SH3BGRL2: variants seen among roughly 807,000 people sequenced by gnomAD.
The protein encoded by SH3BGRL2 is SH3 domain-binding glutamic acid-rich-like protein 2.
SH3BGRL2 carries 21 observed loss-of-function variants against 14.8 expected under a neutral mutation model. That is an observed-to-expected ratio of 1.42 (90% CI 1.01 to 2.05). The LOEUF is 2.05. Among genes scored for constraint, SH3BGRL2 ranks in the 30% most tolerant of loss-of-function variants. The pLI is 0.00. For missense variants in SH3BGRL2, 147 were observed against 130.8 expected (o/e 1.12, Z -0.61); for synonymous variants, 50 against 47.8 (o/e 1.05, Z -0.19).
At chr6:79,669,645 A>G (rs577161973) in intron 1 of SH3BGRL2, among the ~76,000 whole-genome samples, 82 of 151,954 alleles carry the variant, frequency 5.4e-4, no homozygotes, top group Non-Finnish European at 9.3e-4. Flanking sequence ...GGGTTTCACC[A>G]TGTTGATCAG....
At chr6:79,656,501 C>T (rs1216883723) in intron 1 of SH3BGRL2, among the ~76,000 whole-genome samples, 2 of 152,092 alleles carry the variant, frequency 1.3e-5, no homozygotes, top group Non-Finnish European at 2.9e-5. Context: ...CCTGGGACGA[C>T]GTATCACAAT....
the SH3BGRL2 span, among the ~76,000 whole-genome samples, chr6:79,618,241 T>C: frequency 6.6e-6 from 1 of 152,212 alleles, no homozygotes; most frequent in Non-Finnish European, 1.5e-5. Flanking sequence ...GCAAATTAGT[T>C]CTTTTGTCTC....
chr6:79,631,535 T>C, intron 1 of SH3BGRL2, 29 bp downstream of exon 1: 2 of 1,408,692 alleles, frequency 1.4e-6, no homozygotes, highest in Non-Finnish European at 1.9e-6. Flanking sequence ...GGCAGTAGGT[T>C]GGGGTCGCGG....
chr6:79,603,060 C>G, the SH3BGRL2 span, among the ~76,000 whole-genome samples: 2 of 152,100 alleles, frequency 1.3e-5, no homozygotes, highest in Non-Finnish European at 2.9e-5. Context: ...AGAAAACAAG[C>G]CTAAGTGCTG....
the SH3BGRL2 span, among the ~76,000 whole-genome samples, chr6:79,625,198 A>C: frequency 1.4e-5 from 2 of 144,178 alleles, no homozygotes; most frequent in Non-Finnish European, 3.0e-5. Context: ...ATATATACAC[A>C]CACACATACA....
the SH3BGRL2 span, among the ~76,000 whole-genome samples, chr6:79,550,850 C>A: frequency 0.013 from 2,047 of 152,220 alleles, 51 homozygotes; most frequent in African/African-American, 0.046. Flanking sequence ...CCCAGCAAAC[C>A]TGTCTCATTT....
At chr6:79,616,539 C>G in the SH3BGRL2 span, among the ~76,000 whole-genome samples, 7 of 151,960 alleles carry the variant, frequency 4.6e-5, no homozygotes, top group Non-Finnish European at 8.8e-5. Flanking sequence ...GCTTATGATC[C>G]TTGTTCACTG....
At chr6:79,627,358 A>T (rs1371100786), upstream of SH3BGRL2, among the ~76,000 whole-genome samples, 1 of 152,212 alleles carries the variant, frequency 6.6e-6, no homozygotes, top group Non-Finnish European at 1.5e-5. Flanking sequence ...AAATATTCCA[A>T]ATATCTGTGA....
the SH3BGRL2 span, among the ~76,000 whole-genome samples, chr6:79,602,636 T>A: frequency 1.3e-5 from 2 of 152,116 alleles, no homozygotes; most frequent in African/African-American, 4.8e-5. Flanking sequence ...CCTAAAGAGG[T>A]AGCAGAATCT....
At chr6:79,627,082 C>T (rs1386018290), upstream of SH3BGRL2, among the ~76,000 whole-genome samples, 1 of 152,150 alleles carries the variant, frequency 6.6e-6, no homozygotes, top group Non-Finnish European at 1.5e-5. Context: ...CTCTATTTCC[C>T]CGGGCCACAG....
the SH3BGRL2 span, among the ~76,000 whole-genome samples, chr6:79,593,399 C>G: frequency 6.6e-6 from 1 of 152,142 alleles, no homozygotes; most frequent in Admixed American, 6.5e-5. Flanking sequence ...CAGCTTTTCT[C>G]TATAGGATTC....
chr6:79,577,441 A>G, the SH3BGRL2 span, among the ~76,000 whole-genome samples: 2 of 152,348 alleles, frequency 1.3e-5, no homozygotes, highest in East Asian at 1.9e-4. Flanking sequence ...CATATATACT[A>G]AACCCTTTAC....
In SH3BGRL2 at chr6:79,703,034, G is replaced by A. The variant is rs879539877; in HGVS notation, c.*3525G>A. ...GGTGGAGGAAGTGATCAGAGGGAAC[G>A]AGCTGTAGGTTTGCAGAAATGTGTG... On this transcript the variant is annotated 3_prime_UTR_variant, in exon 4 of 4. Coordinates refer to ENST00000369838, the MANE Select transcript of SH3BGRL2 (RefSeq NM_031469.4). The A allele has an allele frequency of 1.3e-5, 2 of 152,212 alleles. No individual in the cohort carries two copies. The highest frequency in any genetic ancestry group is 2.4e-5 in the African/African-American group (1 of 41,442). 9.4% of individuals were successfully genotyped at this position (152,212 alleles called of 1,614,324 possible).
the SH3BGRL2 span, among the ~76,000 whole-genome samples, chr6:79,554,667 A>G: frequency 6.6e-6 from 1 of 152,220 alleles, no homozygotes; most frequent in Admixed American, 6.5e-5. Context: ...TGCATTTTTG[A>G]TCAGACTTTA....
At position 79,685,365 on chromosome 6, in the gene SH3BGRL2, AATATCACTTTGGACACC is replaced by A. The variant is rs1294981151; in HGVS notation, c.232-11118_232-11102del. Among the ~76,000 whole-genome samples, 3 of 152,282 alleles carry A rather than the reference AATATCACTTTGGACACC, an allele frequency of 2.0e-5. No homozygotes were observed. In the East Asian group the frequency reaches 5.8e-4, roughly 29 times the overall value. On this transcript the variant is annotated intron_variant, in intron 2 of 3. Coordinates refer to ENST00000369838, the MANE Select transcript of SH3BGRL2 (RefSeq NM_031469.4). ...ACTGTTAAGACAATCAGGCCATGTT[AATATCACTTTGGACACC>A]AAAAGTTGGTTTTCCTCTGCTCTTC...
intron 2 of SH3BGRL2, among the ~76,000 whole-genome samples, chr6:79,675,241 T>C (rs1769856960): frequency 6.6e-6 from 1 of 152,206 alleles, no homozygotes; most frequent in Admixed American, 6.5e-5. Flanking sequence ...TATGGTTTAG[T>C]GGTAGTTTCT....
intron 1 of SH3BGRL2, among the ~76,000 whole-genome samples, chr6:79,632,603 A>T (rs539601556): frequency 1.3e-5 from 2 of 152,238 alleles, no homozygotes; most frequent in African/African-American, 2.4e-5. Context: ...CTTGTACACC[A>T]CTGAAGTTTT....
chr6:79,579,776 C>T, the SH3BGRL2 span, among the ~76,000 whole-genome samples: 12 of 152,098 alleles, frequency 7.9e-5, no homozygotes, highest in African/African-American at 4.8e-5. Context: ...ATCATAATGA[C>T]GGGATCAAAT....
At chr6:79,557,823 C>T in the SH3BGRL2 span, among the ~76,000 whole-genome samples, 1 of 152,122 alleles carries the variant, frequency 6.6e-6, no homozygotes, top group African/African-American at 2.4e-5. Flanking sequence ...ACTTGGAAGG[C>T]ATAACTTTTT....
Sources: gnomAD v4.1 joint callset for allele counts (sites outside exome capture counted in the v4.1 genomes callset) on GRCh38, gnomAD v4.1.1 for gene constraint, MANE v1.5 for transcripts, NCBI Gene and HGNC (gene_info 2026-07-23, HGNC 2026-07-21) for gene names.